Variants in TSPEAR observed in about 807,000 individuals in gnomAD.
The protein encoded by TSPEAR is thrombospondin type laminin G domain and EAR repeats, also known as thrombospondin-type laminin G domain and EAR repeat-containing protein.
Under a neutral mutation model 71.6 loss-of-function variants are expected in TSPEAR, and 69 were observed. The ratio of observed to expected loss-of-function variants is 0.96; its 90% confidence interval spans 0.79 to 1.18. TSPEAR has a LOEUF of 1.18. Ranked by LOEUF, TSPEAR falls within the 50% of genes most tolerant of loss-of-function variation. The probability of loss-of-function intolerance (pLI) is 0.00; values close to 1 mark genes in which losing one functional copy is unlikely to be tolerated. For synonymous variants in TSPEAR, 402 were observed against 387.2 expected (o/e 1.04, Z -0.45); for missense variants, 971 against 894.9 (o/e 1.09, Z -1.09).
At chr21:44,654,771 T>A in intron 1 of TSPEAR, 1 of 595,150 alleles carries the variant, frequency 1.7e-6, no homozygotes, top group Non-Finnish European at 3.0e-6. Context: ...GTCTGGTTGA[T>A]CTTTCTGTGT....
rs587744445 is a variant in TSPEAR, at chr21:44,499,859, G to A, written c.1934C>T (p.Thr645Ile). The change falls in exon 12 of 12, where the codon ACC (threonine) becomes ATC (isoleucine). Residue 645 changes from threonine (T) to isoleucine (I), a missense_variant. Transcript: ENST00000323084. Reference sequence around the variant, plus strand: ...GTAGATGAGGTAGGCACCAGCCGTGGTGCTGAAGGCCTCCCAGTCCCTGCA... The same window carrying A: ...GTAGATGAGGTAGGCACCAGCCGTGATGCTGAAGGCCTCCCAGTCCCTGCA... ...VGCRDWEAFS[T>I]TAGAYLIYSS... is the part of the protein sequence containing the mutation. The A allele has an allele frequency of 3.1e-6, 5 of 1,603,602 alleles. No homozygotes were observed. In the East Asian group the frequency reaches 1.1e-4, roughly 36 times the overall value.
chr21:44,581,984 C>T (rs587674576), intron 1 of TSPEAR, among the ~76,000 whole-genome samples: 51 of 152,260 alleles, frequency 3.3e-4, no homozygotes, highest in African/African-American at 8.9e-4. Flanking sequence ...TTTTGTTAGA[C>T]AATTTTGATT....
chr21:44,591,392 A>C (rs782665269), intron 1 of TSPEAR: 3 of 1,604,952 alleles, frequency 1.9e-6, no homozygotes, highest in Non-Finnish European at 2.6e-6. Context: ...GGCTGTCAGC[A>C]GCTGGACTTC....
intron 1 of TSPEAR, among the ~76,000 whole-genome samples, chr21:44,621,284 C>G (rs1378611236): frequency 6.6e-6 from 1 of 152,202 alleles, no homozygotes; most frequent in Non-Finnish European, 1.5e-5. Context: ...GTCTCAAACT[C>G]TTACTGTAGA....
intron 1 of TSPEAR, chr21:44,676,620 A>G (rs1986325497): frequency 2.6e-6 from 2 of 755,414 alleles, no homozygotes; most frequent in African/African-American, 1.7e-5. Context: ...GCTCAAATTC[A>G]TACTTCAATT....
At chr21:44,605,770 C>A (rs1288834017) in intron 1 of TSPEAR, among the ~76,000 whole-genome samples, 7 of 152,090 alleles carry the variant, frequency 4.6e-5, no homozygotes, top group African/African-American at 1.7e-4. Flanking sequence ...TAAAATTGAA[C>A]CCTCATCTTA....
chr21:44,512,559 A>AGGTGGC (rs1277390964), intron 9 of TSPEAR, among the ~76,000 whole-genome samples: 1 of 151,948 alleles, frequency 6.6e-6, no homozygotes, highest in Admixed American at 6.5e-5. Flanking sequence ...CGTAGGGTGG[A>AGGTGGC]GGTGGCGGTG....
rs1330175551 is a variant in TSPEAR, at chr21:44,546,724, T to C, written c.304-12801A>G. On this transcript the variant is annotated intron_variant, in intron 2 of 11. Transcript: ENST00000323084. The surrounding 1 kb of genome is among the most constrained non-coding windows in gnomAD (Gnocchi z 4.4). ...GTACCCCAAGCCAGCATGTGAAATA[T>C]GTCATCCCAATGCCTCTGGCCTCCA... 3.9e-5 allele frequency among the ~76,000 whole-genome samples: 6 copies of C among 152,228 alleles called. No homozygotes were observed. The highest frequency in any genetic ancestry group is 1.4e-4 in the African/African-American group (6 of 41,456).
In TSPEAR at chr21:44,525,950, G is replaced by C. The variant is rs1300961015; in HGVS notation, c.1150-111C>G. 2.8e-5 allele frequency: 31 copies of C among 1,119,728 alleles called. 1 individual carries two copies. The South Asian group carries it at 4.3e-4, about 16-fold the overall frequency. 69.4% of individuals were successfully genotyped at this position (1,119,728 alleles called of 1,614,324 possible). A position where few individuals can be genotyped will look rare whatever the true frequency, so the allele number is the denominator to read the frequency against. On this transcript the variant is annotated intron_variant, in intron 7 of 11. Transcript: ENST00000323084. ...CTCTCTCCAGATCCACGGCTGCTAC[G>C]TGGTGCAGGGACAGAGGACCGAGGC...
At chr21:44,668,403 A>G (rs1985895083) in intron 1 of TSPEAR, among the ~76,000 whole-genome samples, 1 of 152,252 alleles carries the variant, frequency 6.6e-6, no homozygotes, top group African/African-American at 2.4e-5. Flanking sequence ...GGCAACAGAA[A>G]TAAATGGAAA....
chr21:44,551,449 A>C (rs1166505940), intron 2 of TSPEAR: 4 of 1,609,716 alleles, frequency 2.5e-6, no homozygotes, highest in African/African-American at 1.3e-5. Context: ...GACATGGTGG[A>C]GGCGGCCATG....
At chr21:44,599,787 C>A (rs1980654667) in intron 1 of TSPEAR, among the ~76,000 whole-genome samples, 1 of 152,232 alleles carries the variant, frequency 6.6e-6, no homozygotes, top group Non-Finnish European at 1.5e-5. Flanking sequence ...AAGGACTTAG[C>A]TGGCAATCAA....
intron 1 of TSPEAR, among the ~76,000 whole-genome samples, chr21:44,692,269 G>C (rs1987152771): frequency 6.6e-6 from 1 of 152,328 alleles, no homozygotes; most frequent in East Asian, 1.9e-4. Context: ...GTGAAAGACT[G>C]AAAGCTTTCC....
chr21:44,639,310 G>A (rs587640747), intron 1 of TSPEAR, among the ~76,000 whole-genome samples: 1 of 152,336 alleles, frequency 6.6e-6, no homozygotes, highest in South Asian at 2.1e-4. Context: ...TTTCCGCCAG[G>A]TCGCTGTGCG....
chr21:44,671,314 G>A lies in TSPEAR; in HGVS notation c.82+40119C>T, dbSNP rs1463497492. Among the ~76,000 whole-genome samples the A allele has an allele frequency of 3.9e-5, 6 of 152,310 alleles. No individual in the cohort carries two copies. In the South Asian group the frequency reaches 6.2e-4, roughly 16 times the overall value. ...ATCCATGTCAGGCACACTGCCCAGC[G>A]GCCCAAGGACCCATCCATGCATCCA... On this transcript the variant is annotated intron_variant, in intron 1 of 11. Coordinates refer to ENST00000323084, the MANE Select transcript of TSPEAR (RefSeq NM_144991.3).
intron 1 of TSPEAR, among the ~76,000 whole-genome samples, chr21:44,703,663 C>G (rs1021822140): frequency 2.6e-5 from 4 of 152,204 alleles, no homozygotes; most frequent in African/African-American, 4.8e-5. Context: ...CTTCTGTGGC[C>G]CCAGGTCTAG....
intron 1 of TSPEAR, among the ~76,000 whole-genome samples, chr21:44,681,391 G>A (rs1402733140): frequency 1.3e-5 from 2 of 152,184 alleles, no homozygotes; most frequent in African/African-American, 4.8e-5. Context: ...ACTGCAGCTG[G>A]GCCCCAGGAG....
At position 44,537,315 on chromosome 21, in the gene TSPEAR, G is replaced by T. The variant is rs186891427; in HGVS notation, c.304-3392C>A. ...AATTATAGCAGTTTAAAAAATACTGGAAAAGCTTTCTAAAATTAATTGAGA... is the reference window on the plus strand; with the variant it reads ...AATTATAGCAGTTTAAAAAATACTGTAAAAGCTTTCTAAAATTAATTGAGA... On this transcript the variant is annotated intron_variant, in intron 2 of 11. Transcript: ENST00000323084. 2.9e-3 allele frequency among the ~76,000 whole-genome samples: 440 copies of T among 152,270 alleles called. 3 individuals carry two copies. The highest frequency in any genetic ancestry group is 0.014 in the Middle Eastern group (4 of 294).
rs782543541 is a variant in TSPEAR, at chr21:44,509,227, C to A, written c.1726G>T (p.Val576Phe). The A allele has an allele frequency of 3.7e-5, 59 of 1,614,020 alleles. No homozygotes were observed. In the Middle Eastern group the frequency reaches 6.6e-4, roughly 18 times the overall value. The part of the protein sequence containing the change: ...YELNVTAQAF[V>F]KFQDILTCSA... ...CAGGTGAGAATGTCCTGGAACTTGA[C>A]AAAGGCCTGCGCGGTCACGTTCAGC... Residue 576 changes from valine to phenylalanine, a missense_variant, in exon 10 of 12, where the codon GTC becomes TTC. By Grantham distance (50) the Val-to-Phe change is conservative. Coordinates refer to ENST00000323084, the MANE Select transcript of TSPEAR (RefSeq NM_144991.3).
Sources: gnomAD v4.1 joint callset for allele counts (sites outside exome capture counted in the v4.1 genomes callset) on GRCh38, gnomAD v4.1.1 for gene constraint, Gnocchi (gnomAD v3.1) non-coding constraint, MANE v1.5 for transcripts, NCBI Gene and HGNC (gene_info 2026-07-23, HGNC 2026-07-21) for gene names.